The following COPS5 variants were observed in gnomAD, a reference collection of about 807,000 sequenced individuals.
COPS5 encodes the protein COP9 signalosome complex subunit 5.
Under a neutral mutation model 44.4 loss-of-function variants are expected in COPS5, and 8 were observed. The ratio of observed to expected loss-of-function variants is 0.18; its 90% CI spans 0.11 to 0.32. The LOEUF is 0.32. Ranked by LOEUF, COPS5 falls within the 10% of genes least tolerant of loss-of-function variation. The pLI, the probability that COPS5 is intolerant of heterozygous loss-of-function variation, is 1.00. For synonymous variants in COPS5, 122 were observed against 142.8 expected (o/e 0.85, Z 1.04); for missense variants, 159 against 406.4 (o/e 0.39, Z 5.23).
At chr8:67,046,603 C>T (rs1002143082) in intron 6 of COPS5, among the ~76,000 whole-genome samples, 1 of 151,696 alleles carries the variant, frequency 6.6e-6, no homozygotes, top group African/African-American at 2.4e-5. Flanking sequence ...GTTGGATCAC[C>T]TGAGGTCAGG....
intron 4 of COPS5, 81 bp downstream of exon 4, chr8:67,057,299 T>C: frequency 3.4e-6 from 3 of 873,152 alleles, no homozygotes; most frequent in Non-Finnish European, 5.4e-6. Context: ...TAGTACACTA[T>C]GATCATGCCT....
intron 2 of COPS5, 55 bp downstream of exon 2, chr8:67,059,156 G>A: frequency 1.6e-6 from 2 of 1,284,950 alleles, no homozygotes; most frequent in Non-Finnish European, 2.2e-6. Flanking sequence ...AAACTCAAAA[G>A]TCACCTTGAG....
rs188674486 is a variant in COPS5, at chr8:67,058,342, C to A, written c.379-131G>T. 1.0e-5 allele frequency: 8 copies of A among 800,124 alleles called. No homozygotes were observed. In the African/African-American group the frequency reaches 1.0e-4, roughly 10 times the overall value. The allele number at this position is 800,124 out of a possible 1,614,324, so 49.6% of individuals were successfully genotyped here. On this transcript the variant is annotated intron_variant, in intron 2 of 7. Transcript: ENST00000357849. Reference sequence around the variant, plus strand: ...TTACCCACTTTTCTCAGCCCAGATGCGAAATCTATGGGCAATTGCTTACCC... The same window carrying A: ...TTACCCACTTTTCTCAGCCCAGATGAGAAATCTATGGGCAATTGCTTACCC...
intron 7 of COPS5, chr8:67,045,566 G>A (rs1816690998): frequency 8.7e-6 from 4 of 458,138 alleles, no homozygotes; most frequent in Non-Finnish European, 1.6e-5. Flanking sequence ...AGGTGACTGG[G>A]AGTGTTCCGT....
rs779252592 is a variant in COPS5, at chr8:67,061,933, C to T, written c.64G>A (p.Ala22Thr). 1 of 1,614,258 alleles carries T rather than the reference C, an allele frequency of 6.2e-7. No homozygotes were observed. The highest frequency in any genetic ancestry group is 2.2e-5 in the East Asian group (1 of 44,884). The change falls in exon 1 of 8, where the codon GCT becomes ACT. Residue 22 changes from alanine (A) to threonine (T), a missense_variant. Ala to Thr is a moderately conservative substitution (Grantham distance 58). Around this residue, in one of 2 missense-constraint regions of COPS5, gnomAD observed 25 missense variants for 29.7 expected, o/e 0.84. Coordinates refer to ENST00000357849, the MANE Select transcript of COPS5 (RefSeq NM_006837.3). ...TWELANNMQEAQSIDEIYKYD... is the reference protein window; with the variant it reads ...TWELANNMQETQSIDEIYKYD... Reference sequence around the variant, plus strand: ...TTGTAGATTTCATCGATACTCTGAGCTTCCTGCATGTTGTTGGCCAGTTCC... The same window carrying T: ...TTGTAGATTTCATCGATACTCTGAGTTTCCTGCATGTTGTTGGCCAGTTCC...
chr8:67,049,042 G>T (rs528083344), intron 6 of COPS5, among the ~76,000 whole-genome samples: 1 of 152,136 alleles, frequency 6.6e-6, no homozygotes, highest in Non-Finnish European at 1.5e-5. Flanking sequence ...TTATAGAAGA[G>T]ACATGGCAAT....
At chr8:67,054,181 T>TAA (rs950811016) in intron 5 of COPS5, among the ~76,000 whole-genome samples, 1 of 148,754 alleles carries the variant, frequency 6.7e-6, no homozygotes. Flanking sequence ...AACACGATCT[T>TAA]AAAAAAAAAA....
chr8:67,060,560 A>T (rs1045990368), intron 1 of COPS5: 2 of 1,236,262 alleles, frequency 1.6e-6, no homozygotes, highest in African/African-American at 3.1e-5. Flanking sequence ...AGAAAAGAAG[A>T]AAGACAAGTT....
chr8:67,059,442 G>A lies in COPS5; in HGVS notation c.147C>T (p.His49=). ...AGATTTTGCAGTACTTAAAGTAATGGTGACTGCAAAACAAAATCACAATGT... is the reference window on the plus strand; with the variant it reads ...AGATTTTGCAGTACTTAAAGTAATGATGACTGCAAAACAAAATCACAATGT... ...ILAAKPWTKD[H]HYFKYCKISA... Residue 49 remains histidine, a synonymous_variant, in exon 2 of 8, where the codon CAC becomes CAT. Coordinates refer to ENST00000357849, the MANE Select transcript of COPS5 (RefSeq NM_006837.3). The A allele has an allele frequency of 6.2e-7, 1 of 1,605,364 alleles. No homozygotes were observed.
At chr8:67,055,515 CTTCT>C (rs770073174) in intron 5 of COPS5, among the ~76,000 whole-genome samples, 87 of 152,216 alleles carry the variant, frequency 5.7e-4, no homozygotes, top group Non-Finnish European at 9.0e-4. Context: ...TCCCCATTGG[CTTCT>C]TTAACATTAA....
rs762347715 is a variant in COPS5 at position 67,056,516 on chromosome 8, T to TA, written c.659+2dup. 12 of 1,178,778 alleles carry TA rather than the reference T, an allele frequency of 1.0e-5. No individual in the cohort carries two copies. The Admixed American group carries it at 1.0e-4, about 10-fold the overall frequency. The allele number at this position is 1,178,778 out of a possible 1,614,324, so 73.0% of individuals were successfully genotyped here. A position where few individuals can be genotyped will look rare whatever the true frequency, so the allele number is the denominator to read the frequency against. ...GGCCCAGATATGTTTTTAAATTACT[T>TA]ACTGTTTGCAGTGTACACCAAAATC... On this transcript the variant is annotated splice_region_variant and intron_variant, in intron 5 of 7. Transcript: ENST00000357849.
At chr8:67,060,232 G>T in intron 1 of COPS5, 1 of 653,750 alleles carries the variant, frequency 1.5e-6, no homozygotes, top group Non-Finnish European at 2.0e-6. Flanking sequence ...CATTAATGCA[G>T]CCCAAGACAG....
chr8:67,048,457 C>T (rs1422709803), intron 6 of COPS5, among the ~76,000 whole-genome samples: 1 of 151,864 alleles, frequency 6.6e-6, no homozygotes, highest in African/African-American at 2.4e-5. Flanking sequence ...TGGCTCACGC[C>T]TGTAATCCCA....
intron 6 of COPS5, among the ~76,000 whole-genome samples, chr8:67,046,511 T>C (rs765722366): frequency 4.5e-4 from 69 of 152,110 alleles, no homozygotes; most frequent in Non-Finnish European, 7.9e-4. Context: ...ACAATATTTA[T>C]AAAAATAACA....
chr8:67,058,644 T>C (rs1418894556), intron 2 of COPS5, among the ~76,000 whole-genome samples: 1 of 152,146 alleles, frequency 6.6e-6, no homozygotes, highest in Non-Finnish European at 1.5e-5. Flanking sequence ...TTAGGTTGTT[T>C]CCAAATTTTT....
chr8:67,060,892 C>G (rs542645272), intron 1 of COPS5: 1 of 171,482 alleles, frequency 5.8e-6, no homozygotes, highest in African/African-American at 2.4e-5. Flanking sequence ...AAATCTCTAG[C>G]TAGGTGCTTC....
At chr8:67,050,497 C>T (rs1212973000) in intron 6 of COPS5, among the ~76,000 whole-genome samples, 2 of 152,020 alleles carry the variant, frequency 1.3e-5, no homozygotes, top group East Asian at 3.9e-4. Context: ...TAAACATGGG[C>T]ATGTGATTAA....
At chr8:67,050,558 A>AGTGT (rs34629150) in intron 6 of COPS5, among the ~76,000 whole-genome samples, 4,188 of 141,048 alleles carry the variant, frequency 0.03, 122 homozygotes, top group African/African-American at 0.063. Context: ...TGTGAGTGTG[A>AGTGT]GTGTGTGTGT....
At chr8:67,054,459 A>G (rs1374603849) in intron 5 of COPS5, among the ~76,000 whole-genome samples, 3 of 152,220 alleles carry the variant, frequency 2.0e-5, no homozygotes, top group Non-Finnish European at 2.9e-5. Context: ...AATTAACACT[A>G]AACTTCTATC....
Sources: allele counts gnomAD v4.1 joint callset (sites outside exome capture counted in the v4.1 genomes callset), GRCh38; gene constraint gnomAD v4.1.1; regional missense constraint gnomAD v4.1.1; transcripts MANE v1.5; gene names NCBI Gene and HGNC (gene_info 2026-07-23, HGNC 2026-07-21).